Variants in CDH13 observed in about 807,000 individuals in gnomAD.
CDH13 encodes the protein cadherin-13.
A neutral mutation model predicts 63.8 loss-of-function variants in CDH13; 24 were observed. That is an observed-to-expected ratio of 0.38 (90% CI 0.27 to 0.53). The LOEUF is 0.53. Ranked by LOEUF, CDH13 falls within the 20% of genes least tolerant of loss-of-function variation. The probability of loss-of-function intolerance (pLI) is 0.85; values close to 1 mark genes in which losing one functional copy is unlikely to be tolerated. For synonymous variants in CDH13, 503 were observed against 355.3 expected (o/e 1.42, Z -4.67); for missense variants, 1,049 against 903.1 (o/e 1.16, Z -2.07).
At chr16:82,995,617 A>T (rs575807555) in intron 2 of CDH13, among the ~76,000 whole-genome samples, 8 of 152,140 alleles carry the variant, frequency 5.3e-5, no homozygotes, top group African/African-American at 1.7e-4. Context: ...TTTGCTTTAA[A>T]CTACTGAATC....
intron 2 of CDH13, among the ~76,000 whole-genome samples, chr16:82,991,856 A>G (rs977711247): frequency 3.7e-4 from 56 of 152,274 alleles, no homozygotes; most frequent in African/African-American, 1.2e-3. Flanking sequence ...AATTCTGCCA[A>G]TTTAACAAAA....
intron 2 of CDH13, among the ~76,000 whole-genome samples, chr16:82,866,621 T>C (rs986432963): frequency 1.3e-5 from 2 of 151,850 alleles, no homozygotes; most frequent in African/African-American, 4.8e-5. Flanking sequence ...TATTAGTCTG[T>C]TTTCATACTG....
chr16:82,951,407 T>C (rs796625927), intron 2 of CDH13, among the ~76,000 whole-genome samples: 32 of 152,332 alleles, frequency 2.1e-4, no homozygotes, highest in African/African-American at 6.3e-4. Context: ...TGGGTCCTGA[T>C]ATTCAGCTAT....
Position 83,291,466 on chromosome 16 carries a change from A to T in CDH13, c.637-53396A>T, listed in dbSNP as rs1259428214. Among the ~76,000 whole-genome samples the T allele has an allele frequency of 3.3e-5, 5 of 152,138 alleles. 1 individual carries two copies. The highest frequency in any genetic ancestry group is 1.5e-5 in the Non-Finnish European group (1 of 68,030). ...TCCTTCCACCACCTGATAGTGCAAA[A>T]TTGGGACAAAGTCATCATTAGGCAG... On this transcript the variant is annotated intron_variant, in intron 5 of 13. Transcript: ENST00000567109.
rs1208036336 is a variant in CDH13 at position 83,047,931 on chromosome 16, C to T, written c.366+15713C>T. Among the ~76,000 whole-genome samples the T allele has an allele frequency of 6.6e-6, 1 of 152,114 alleles. No homozygotes were observed. Reference sequence around the variant, plus strand: ...TATGTGTGACCAGCACAGGGTCATACATCTAGAATATTTTGGAGACATATT... The same window carrying T: ...TATGTGTGACCAGCACAGGGTCATATATCTAGAATATTTTGGAGACATATT... On this transcript the variant is annotated intron_variant, in intron 3 of 13. Transcript: ENST00000567109. The surrounding 1 kb of genome is among the most constrained non-coding windows in gnomAD (Gnocchi z 4.9).
intron 9 of CDH13, among the ~76,000 whole-genome samples, chr16:83,677,525 C>G (rs2150869302): frequency 6.6e-6 from 1 of 152,242 alleles, no homozygotes; most frequent in East Asian, 1.9e-4. Context: ...GGGCCAGGGC[C>G]CAGCGGCTTA....
At chr16:83,494,114 C>T (rs2074080757) in intron 7 of CDH13, among the ~76,000 whole-genome samples, 1 of 152,088 alleles carries the variant, frequency 6.6e-6, no homozygotes, top group Non-Finnish European at 1.5e-5. Flanking sequence ...TTAGATTTAA[C>T]AAATGTTTAA....
At chr16:83,659,293 C>T (rs868563437) in intron 8 of CDH13, among the ~76,000 whole-genome samples, 1 of 150,254 alleles carries the variant, frequency 6.7e-6, no homozygotes, top group Non-Finnish European at 1.5e-5. Context: ...GTCCTCACCA[C>T]CAGGTCCCGT....
intron 5 of CDH13, among the ~76,000 whole-genome samples, chr16:83,279,817 A>G (rs974723781): frequency 4.0e-5 from 6 of 150,982 alleles, no homozygotes; most frequent in African/African-American, 1.5e-4. Flanking sequence ...AATCAAAGGA[A>G]TATCACAATG....
chr16:82,922,530 C>T (rs150467677), intron 2 of CDH13, among the ~76,000 whole-genome samples: 123 of 152,242 alleles, frequency 8.1e-4, no homozygotes, highest in Admixed American at 3.4e-3. Flanking sequence ...CTGGCCTTGC[C>T]CCTCTTCTTG....
At chr16:82,874,410 A>G (rs190721747) in intron 2 of CDH13, among the ~76,000 whole-genome samples, 38 of 151,894 alleles carry the variant, frequency 2.5e-4, no homozygotes, top group African/African-American at 8.9e-4. Context: ...CCCCTCTACT[A>G]CTTGTGAACA....
At chr16:83,566,169 T>C (rs1288677656) in intron 7 of CDH13, among the ~76,000 whole-genome samples, 1 of 152,136 alleles carries the variant, frequency 6.6e-6, no homozygotes, top group Non-Finnish European at 1.5e-5. Flanking sequence ...TTCCAATTTC[T>C]TGGGGATGTC....
intron 7 of CDH13, among the ~76,000 whole-genome samples, chr16:83,577,528 A>G (rs564176632): frequency 1.7e-4 from 26 of 152,276 alleles, no homozygotes; most frequent in African/African-American, 6.0e-4. Flanking sequence ...TTCTGTTGCA[A>G]TATGAGGTCC....
intron 3 of CDH13, among the ~76,000 whole-genome samples, chr16:83,118,059 A>G (rs1215175864): frequency 3.3e-5 from 5 of 152,190 alleles, no homozygotes; most frequent in Non-Finnish European, 7.4e-5. Context: ...TGAAGACACA[A>G]CACTGCCCCT....
Position 83,344,245 on chromosome 16 carries a change from C to T in CDH13, c.637-617C>T, listed in dbSNP as rs1408993574. 2.0e-5 allele frequency among the ~76,000 whole-genome samples: 3 copies of T among 152,268 alleles called. No homozygotes were observed. In the East Asian group the frequency reaches 5.8e-4, roughly 29 times the overall value. ...CAAACAAAAAAGTTGTTTTTTTATG[C>T]TGCCTTCTTCATTGAGATCTGAAAG... is the stretch of plus-strand genomic sequence containing the variant. On this transcript the variant is annotated intron_variant, in intron 5 of 13. Coordinates refer to ENST00000567109, the MANE Select transcript of CDH13 (RefSeq NM_001257.5).
intron 5 of CDH13, among the ~76,000 whole-genome samples, chr16:83,244,563 T>C (rs983499427): frequency 6.6e-6 from 1 of 152,164 alleles, no homozygotes; most frequent in Non-Finnish European, 1.5e-5. Flanking sequence ...TGCAAACTGT[T>C]GATGAATGCT....
At chr16:83,669,911 G>C (rs1914351717) in intron 8 of CDH13, among the ~76,000 whole-genome samples, 1 of 152,194 alleles carries the variant, frequency 6.6e-6, no homozygotes. Flanking sequence ...TCAGAGGTAA[G>C]CACCAAAACA....
intron 10 of CDH13, among the ~76,000 whole-genome samples, chr16:83,731,115 T>G (rs1412252374): frequency 6.6e-6 from 1 of 152,248 alleles, no homozygotes; most frequent in South Asian, 2.1e-4. Flanking sequence ...CATTGTGCTG[T>G]GATAAACATA....
chr16:82,697,962 T>C (rs943224931), intron 1 of CDH13, among the ~76,000 whole-genome samples: 3 of 152,122 alleles, frequency 2.0e-5, no homozygotes, highest in East Asian at 1.9e-4. Context: ...ATCTACCCCA[T>C]AGATGAGCTC....
Sources: gnomAD v4.1 joint callset for allele counts (sites outside exome capture counted in the v4.1 genomes callset) on GRCh38, gnomAD v4.1.1 for gene constraint, Gnocchi (gnomAD v3.1) non-coding constraint, MANE v1.5 for transcripts, NCBI Gene and HGNC (gene_info 2026-07-23, HGNC 2026-07-21) for gene names.